SAMD7: variants seen among roughly 807,000 people sequenced by gnomAD.
The protein encoded by SAMD7 is sterile alpha motif domain-containing protein 7.
Under a neutral mutation model 36.7 loss-of-function variants are expected in SAMD7, and 34 were observed. That is an observed-to-expected ratio of 0.93 (90% CI 0.71 to 1.23). The LOEUF is 1.23. Ranked by LOEUF, SAMD7 falls within the 50% of genes most tolerant of loss-of-function variation. The probability of loss-of-function intolerance (pLI) is 0.00; values close to 1 mark genes in which losing one functional copy is unlikely to be tolerated. For synonymous variants in SAMD7, 188 were observed against 189.7 expected (o/e 0.99, Z 0.07); for missense variants, 570 against 546.6 (o/e 1.04, Z -0.43).
chr3:169,930,983 G>C (rs2108264200), intron 7 of SAMD7, among the ~76,000 whole-genome samples: 1 of 152,172 alleles, frequency 6.6e-6, no homozygotes, highest in South Asian at 2.1e-4. Context: ...CTCTGCCTTA[G>C]GTGCCTACTC....
intron 7 of SAMD7, chr3:169,932,818 C>T (rs1559954059): frequency 1.8e-6 from 1 of 569,908 alleles, no homozygotes. Context: ...CTGGCCTGTG[C>T]CGCCTGGACA....
intron 7 of SAMD7, among the ~76,000 whole-genome samples, chr3:169,928,885 A>C (rs936607642): frequency 2.0e-5 from 3 of 152,208 alleles, no homozygotes; most frequent in Admixed American, 6.5e-5. Context: ...ATCCAAAAAG[A>C]ATGGGAAATA....
intron 6 of SAMD7, among the ~76,000 whole-genome samples, chr3:169,928,007 A>AT (rs1576834282): frequency 6.6e-6 from 1 of 152,130 alleles, no homozygotes; most frequent in African/African-American, 2.4e-5. Context: ...GATAAAAAAA[A>AT]ATATATTTTA....
intron 7 of SAMD7, 97 bp downstream of exon 7, chr3:169,928,675 A>G (rs1713369373): frequency 2.4e-6 from 3 of 1,262,122 alleles, no homozygotes; most frequent in Non-Finnish European, 3.4e-6. Context: ...GCCTCCAGAA[A>G]GGATTCCTAC....
At chr3:169,917,936 CG>C (rs1318532825) in intron 2 of SAMD7, among the ~76,000 whole-genome samples, 1 of 143,778 alleles carries the variant, frequency 7.0e-6, no homozygotes, top group East Asian at 2.1e-4. Context: ...CCACTGCACC[CG>C]GCCTGTTTGT....
chr3:169,930,563 T>C (rs1041743577), intron 7 of SAMD7, among the ~76,000 whole-genome samples: 14 of 148,996 alleles, frequency 9.4e-5, no homozygotes, highest in Admixed American at 2.7e-4. Context: ...TTGTTACTCA[T>C]AGCCCCTTTC....
chr3:169,914,678 A>C (rs981378600), intron 1 of SAMD7, among the ~76,000 whole-genome samples: 2 of 152,236 alleles, frequency 1.3e-5, no homozygotes, highest in African/African-American at 4.8e-5. Context: ...GGATAGCTTT[A>C]ATTGTACATT....
intron 1 of SAMD7, among the ~76,000 whole-genome samples, chr3:169,912,702 G>A (rs1712650789): frequency 6.6e-6 from 1 of 152,198 alleles, no homozygotes; most frequent in Non-Finnish European, 1.5e-5. Flanking sequence ...AGTGACAGCA[G>A]CCAGCACGTA....
chr3:169,921,720 A>G (rs1559949722), intron 4 of SAMD7, among the ~76,000 whole-genome samples: 1 of 152,208 alleles, frequency 6.6e-6, no homozygotes. Flanking sequence ...TAAAAAGGGA[A>G]GCCATCAAGG....
chr3:169,932,395 G>C (rs1247589617), intron 7 of SAMD7: 7 of 640,206 alleles, frequency 1.1e-5, no homozygotes, highest in Non-Finnish European at 2.1e-5. Flanking sequence ...GTATAGCCGA[G>C]ACTATGTAGT....
Position 169,926,664 on chromosome 3 carries a change from T to G in SAMD7, c.402T>G (p.Ala134=), listed in dbSNP as rs1713272416. Residue 134 remains alanine, a synonymous_variant, in exon 6 of 9, where the codon GCT becomes GCG. Coordinates refer to ENST00000335556, the MANE Select transcript of SAMD7 (RefSeq NM_001304366.2). The part of the protein sequence containing the change: ...IPFLYGSSVP[A]APAAYHGRSM... Reference sequence around the variant, plus strand: ...TCCTCTATGGCTCCAGTGTCCCAGCTGCCCCCGCTGCCTACCATGGCAGGA... The same window carrying G: ...TCCTCTATGGCTCCAGTGTCCCAGCGGCCCCCGCTGCCTACCATGGCAGGA... 1 of 1,613,992 alleles carries G rather than the reference T, an allele frequency of 6.2e-7. No individual in the cohort carries two copies. Among genetic ancestry groups the G allele is most frequent in the Non-Finnish European group, 8.5e-7 (1 of 1,179,952 alleles).
chr3:169,926,339 G>A (rs1713254735), intron 5 of SAMD7: 12 of 1,331,954 alleles, frequency 9.0e-6, no homozygotes, highest in Non-Finnish European at 1.2e-5. Flanking sequence ...ACACTCTAAA[G>A]ACTGGCCTTT....
chr3:169,926,405 C>T (rs1713256573), intron 5 of SAMD7, 148 bp from the exon 6 acceptor site: 1 of 1,159,794 alleles, frequency 8.6e-7, no homozygotes, highest in Non-Finnish European at 1.2e-6. Flanking sequence ...AACTCTCCTT[C>T]CCAGTGGCTT....
Position 169,932,450 on chromosome 3 carries a change from A to G in SAMD7, c.1041+3872A>G, listed in dbSNP as rs944760838. ...GTTATGATAGACACAATGCGGAGGT[A>G]GCAGCCTTTCACTTGGACAGGATTG... On this transcript the variant is annotated intron_variant, in intron 7 of 8. Transcript: ENST00000335556. 8.2e-6 allele frequency: 5 copies of G among 608,772 alleles called. No individual in the cohort carries two copies. In the Admixed American group the frequency reaches 9.3e-5, roughly 11 times the overall value. 37.7% of individuals were successfully genotyped at this position (608,772 alleles called of 1,614,324 possible).
intron 1 of SAMD7, 98 bp downstream of exon 1, chr3:169,911,919 A>C (rs1479076715): frequency 6.6e-6 from 1 of 152,234 alleles, no homozygotes; most frequent in African/African-American, 2.4e-5. Context: ...TCTTTATCTT[A>C]AAGGAAATGC....
At chr3:169,931,258 A>G (rs1183818111) in intron 7 of SAMD7, among the ~76,000 whole-genome samples, 2 of 152,226 alleles carry the variant, frequency 1.3e-5, no homozygotes, top group Admixed American at 6.5e-5. Context: ...GCACATTTAT[A>G]TCATTACACA....
At position 169,935,722 on chromosome 3, in the gene SAMD7, T is replaced by C. The variant is rs1576839906; in HGVS notation, c.1042-617T>C. ...CCTATCAATCTGCCTAGATTTTGTA[T>C]CCCTCTATCTGCCTGGAATCTTTGT... On this transcript the variant is annotated intron_variant, in intron 7 of 8. Transcript: ENST00000335556. Among the ~76,000 whole-genome samples, 5 of 152,280 alleles carry C rather than the reference T, an allele frequency of 3.3e-5. No homozygotes were observed. In the Middle Eastern group the frequency reaches 0.014, roughly 414 times the overall value.
chr3:169,938,450 T>C lies in SAMD7; in HGVS notation c.1285T>C (p.Cys429Arg). Residue 429 changes from cysteine (C) to arginine (R), a missense_variant, in exon 9 of 9, where the codon TGT becomes CGT. Cys to Arg is a radical substitution (Grantham distance 180). Transcript: ENST00000335556. ...NSWSDTMNIF[C>R]PQDTIIPKGI... ...CTGGAGTGATACAATGAACATTTTTTGTCCCCAGGATACAATAATTCCTAA... is the reference window on the plus strand; with the variant it reads ...CTGGAGTGATACAATGAACATTTTTCGTCCCCAGGATACAATAATTCCTAA... The C allele has an allele frequency of 6.2e-7, 1 of 1,613,538 alleles. No individual in the cohort carries two copies. The highest frequency in any genetic ancestry group is 8.5e-7 in the Non-Finnish European group (1 of 1,179,422).
At chr3:169,935,949 T>A (rs1713699431) in intron 7 of SAMD7, among the ~76,000 whole-genome samples, 1 of 152,144 alleles carries the variant, frequency 6.6e-6, no homozygotes, top group Non-Finnish European at 1.5e-5. Flanking sequence ...CCATAACAGG[T>A]TTTACCCACA....
Sources: allele counts gnomAD v4.1 joint callset (sites outside exome capture counted in the v4.1 genomes callset), GRCh38; gene constraint gnomAD v4.1.1; transcripts MANE v1.5; gene names NCBI Gene and HGNC (gene_info 2026-07-23, HGNC 2026-07-21).